MAP3K20: variants seen among roughly 807,000 people sequenced by gnomAD.
MAP3K20 encodes the protein mitogen-activated protein kinase kinase kinase 20.
Under a neutral mutation model 85.7 loss-of-function variants are expected in MAP3K20, and 40 were observed. The ratio of observed to expected loss-of-function variants is 0.47; its 90% CI spans 0.36 to 0.61. MAP3K20 has a LOEUF of 0.61. Among genes scored for constraint, MAP3K20 ranks in the 20% least tolerant of loss-of-function variants. The pLI is 0.00. For missense variants in MAP3K20, 817 were observed against 961.7 expected, an observed-to-expected ratio of 0.85 and a Z score of 1.99; for synonymous variants, 325 against 327.7, an observed-to-expected ratio of 0.99 and a Z score of 0.09.
At chr2:173,259,301 G>GA (rs1202271579) in intron 17 of MAP3K20, among the ~76,000 whole-genome samples, 21 of 152,250 alleles carry the variant, frequency 1.4e-4, no homozygotes, top group Admixed American at 5.9e-4. Context: ...AGTGGCCAGA[G>GA]AACATGTTAC....
intron 16 of MAP3K20, among the ~76,000 whole-genome samples, chr2:173,253,714 A>G (rs558337775): frequency 2.1e-3 from 324 of 152,306 alleles, no homozygotes; most frequent in Middle Eastern, 0.014. Context: ...GTGACCCTTG[A>G]ATATTTCTAA....
rs76957675 is a variant in MAP3K20, at chr2:173,143,845, T to C, written c.160-25960T>C. Reference sequence around the variant, plus strand: ...ACAAAGTTACAGGAAACAAGTTTATTATATTTCTATATACTAGCAGCAAAG... The same window carrying C: ...ACAAAGTTACAGGAAACAAGTTTATCATATTTCTATATACTAGCAGCAAAG... On this transcript the variant is annotated intron_variant, in intron 2 of 19. Transcript: ENST00000375213. 6.5e-3 allele frequency among the ~76,000 whole-genome samples: 991 copies of C among 152,300 alleles called. 32 individuals are homozygous for C. The East Asian group carries it at 0.11, about 17-fold the overall frequency.
rs764057020 is a variant in MAP3K20 at position 173,191,133 on chromosome 2, A to G, written c.538A>G (p.Ser180Gly). The G allele has an allele frequency of 2.0e-5, 32 of 1,613,948 alleles. No individual in the cohort carries two copies. Among genetic ancestry groups the G allele is most frequent in the Non-Finnish European group, 2.6e-5 (31 of 1,179,958 alleles). The change falls in exon 7 of 20, where the codon AGT becomes GGT. Residue 180 changes from serine (S) to glycine (G), a missense_variant. Physicochemically the swap from Ser to Gly is moderately conservative, Grantham distance 56. Coordinates refer to ENST00000375213, the MANE Select transcript of MAP3K20 (RefSeq NM_016653.3). ...ATGGATGGCTCCAGAAGTTATCCAG[A>G]GTCTCCCTGTGTCAGAAACTTGTGA... ...FPWMAPEVIQ[S>G]LPVSETCDTY...
chr2:173,095,443 T>C (rs1478902951), intron 2 of MAP3K20, among the ~76,000 whole-genome samples: 1 of 152,226 alleles, frequency 6.6e-6, no homozygotes, highest in Non-Finnish European at 1.5e-5. Context: ...TGACAGAAAT[T>C]ATGGTTACAG....
At chr2:173,172,326 G>A (rs1317811833) in intron 3 of MAP3K20, among the ~76,000 whole-genome samples, 1 of 81,870 alleles carries the variant, frequency 1.2e-5, no homozygotes, top group African/African-American at 3.1e-5. Context: ...TTCAATTTGA[G>A]GTAGTTTTTT....
At chr2:173,159,044 T>C (rs1689564060) in intron 2 of MAP3K20, among the ~76,000 whole-genome samples, 2 of 152,204 alleles carry the variant, frequency 1.3e-5, no homozygotes, top group South Asian at 4.1e-4. Flanking sequence ...AATCAAGTCA[T>C]TTTGTAGGAA....
intron 8 of MAP3K20, among the ~76,000 whole-genome samples, chr2:173,202,217 C>T (rs1691089909): frequency 6.6e-6 from 1 of 152,082 alleles, no homozygotes; most frequent in Admixed American, 6.6e-5. Context: ...TACATCTTGT[C>T]CTATTCTGTG....
At chr2:173,258,518 A>C (rs1006326302) in intron 16 of MAP3K20, among the ~76,000 whole-genome samples, 181 bp from the exon 17 acceptor site, 2 of 151,414 alleles carry the variant, frequency 1.3e-5, no homozygotes, top group Non-Finnish European at 1.5e-5. Context: ...GGCTGCACTA[A>C]CTGGGGCTTA....
chr2:173,149,622 G>T (rs1263495778), intron 2 of MAP3K20, among the ~76,000 whole-genome samples: 1 of 152,026 alleles, frequency 6.6e-6, no homozygotes, highest in Non-Finnish European at 1.5e-5. Context: ...CAGGGGGGAG[G>T]TGGTAAAAGA....
At chr2:173,226,719 G>T (rs1366312396) in intron 11 of MAP3K20, 1 of 985,622 alleles carries the variant, frequency 1.0e-6, no homozygotes, top group African/African-American at 1.7e-5. Flanking sequence ...TATATTGTGT[G>T]CAGAATAGTA....
intron 12 of MAP3K20, among the ~76,000 whole-genome samples, chr2:173,231,190 AAAG>A (rs1340381389): frequency 1.3e-5 from 2 of 152,218 alleles, no homozygotes; most frequent in Non-Finnish European, 2.9e-5. Flanking sequence ...AAACTCCTCA[AAAG>A]ATCTGTTTAC....
chr2:173,093,326 A>G (rs896938022), intron 2 of MAP3K20, among the ~76,000 whole-genome samples: 33 of 152,182 alleles, frequency 2.2e-4, no homozygotes, highest in Non-Finnish European at 4.6e-4. Flanking sequence ...TTTAGAAGCA[A>G]TGGAACACTT....
intron 2 of MAP3K20, among the ~76,000 whole-genome samples, chr2:173,124,330 T>C (rs1418631603): frequency 6.6e-6 from 1 of 152,068 alleles, no homozygotes; most frequent in African/African-American, 2.4e-5. Flanking sequence ...TATATGGGGA[T>C]AGCAAAGGCA....
intron 2 of MAP3K20, among the ~76,000 whole-genome samples, chr2:173,112,316 T>G (rs1687998785): frequency 6.6e-6 from 1 of 152,164 alleles, no homozygotes; most frequent in Non-Finnish European, 1.5e-5. Context: ...GGAGGAGTCC[T>G]TAGGGTTTTC....
chr2:173,088,362 T>C (rs1212917941), intron 1 of MAP3K20, among the ~76,000 whole-genome samples: 1 of 152,234 alleles, frequency 6.6e-6, no homozygotes, highest in African/African-American at 2.4e-5. Context: ...CTGGGAGGTT[T>C]GGGCAAGTAT....
chr2:173,200,531 C>G (rs1013562560), intron 8 of MAP3K20, among the ~76,000 whole-genome samples: 1 of 152,168 alleles, frequency 6.6e-6, no homozygotes, highest in Non-Finnish European at 1.5e-5. Context: ...TAAATGTTAT[C>G]TAGTCATCTA....
chr2:173,104,884 A>G (rs1263469570), intron 2 of MAP3K20, among the ~76,000 whole-genome samples: 1 of 152,132 alleles, frequency 6.6e-6, no homozygotes, highest in African/African-American at 2.4e-5. Context: ...AGCATGGGGG[A>G]TAAAACATTC....
rs143674533 is a variant in MAP3K20, at chr2:173,135,137, T to C, written c.160-34668T>C. On this transcript the variant is annotated intron_variant, in intron 2 of 19. Transcript: ENST00000375213. Reference sequence around the variant, plus strand: ...TACTAATTGGATGGCAAAGTTTATCTGGTCCTGAAATAAAAATATTGAAAA... The same window carrying C: ...TACTAATTGGATGGCAAAGTTTATCCGGTCCTGAAATAAAAATATTGAAAA... Among the ~76,000 whole-genome samples, 153 of 152,344 alleles carry C rather than the reference T, an allele frequency of 1.0e-3. 1 individual carries two copies. The highest frequency in any genetic ancestry group is 2.8e-3 in the African/African-American group (115 of 41,584).
intron 1 of MAP3K20, among the ~76,000 whole-genome samples, chr2:173,077,052 G>A (rs1196342326): frequency 4.5e-5 from 5 of 112,140 alleles, no homozygotes; most frequent in Non-Finnish European, 1.0e-4. Flanking sequence ...CTGTAATAAT[G>A]AAAGCAACAC....
Sources: gnomAD v4.1 joint callset for allele counts (sites outside exome capture counted in the v4.1 genomes callset) on GRCh38, gnomAD v4.1.1 for gene constraint, MANE v1.5 for transcripts, NCBI Gene and HGNC (gene_info 2026-07-23, HGNC 2026-07-21) for gene names.